XNDC1N: variants seen among roughly 807,000 people sequenced by gnomAD.
XNDC1N encodes protein XNDC1N.
At chr11:71,888,403 A>C in the XNDC1N span, among the ~76,000 whole-genome samples, 4 of 152,156 alleles carry the variant, frequency 2.6e-5, no homozygotes, top group Non-Finnish European at 5.9e-5. Flanking sequence ...TGCGGTCACC[A>C]AGGGGGCGGG....
the XNDC1N span, among the ~76,000 whole-genome samples, chr11:71,872,718 A>G: frequency 6.6e-6 from 1 of 152,022 alleles, no homozygotes; most frequent in Non-Finnish European, 1.5e-5. Context: ...ACAGAGCAAG[A>G]CTCCGTCTCA....
the XNDC1N span, among the ~76,000 whole-genome samples, chr11:71,927,032 G>A: frequency 6.6e-6 from 1 of 151,620 alleles, no homozygotes; most frequent in African/African-American, 2.4e-5. Flanking sequence ...CAGGAGGATT[G>A]CTTGAACCCA....
chr11:71,909,484 G>A, the XNDC1N span, among the ~76,000 whole-genome samples: 3 of 152,200 alleles, frequency 2.0e-5, no homozygotes, highest in Non-Finnish European at 4.4e-5. Context: ...AGAGCAGGAG[G>A]CCCTGGACAA....
chr11:71,886,796 A>C, the XNDC1N span, among the ~76,000 whole-genome samples: 1 of 152,224 alleles, frequency 6.6e-6, no homozygotes, highest in South Asian at 2.1e-4. Context: ...GCCGTAAGGA[A>C]AACGGCAAAG....
At chr11:71,867,752 G>C in the XNDC1N span, among the ~76,000 whole-genome samples, 1 of 152,198 alleles carries the variant, frequency 6.6e-6, no homozygotes, top group African/African-American at 2.4e-5. Context: ...CAGATGAGAA[G>C]AATGTGTATT....
the XNDC1N span, among the ~76,000 whole-genome samples, chr11:71,891,091 T>C: frequency 6.6e-6 from 1 of 151,924 alleles, no homozygotes; most frequent in Non-Finnish European, 1.5e-5. Flanking sequence ...CGTAACCTTA[T>C]CCTCTCCCTC....
the XNDC1N span, among the ~76,000 whole-genome samples, chr11:71,892,920 T>G: frequency 1.3e-5 from 2 of 152,074 alleles, no homozygotes; most frequent in Non-Finnish European, 2.9e-5. Context: ...AGGATGATGA[T>G]AAATATGAAA....
the XNDC1N span, among the ~76,000 whole-genome samples, chr11:71,913,707 C>G: frequency 5.3e-5 from 8 of 150,918 alleles, no homozygotes; most frequent in Middle Eastern, 3.4e-3. Context: ...AAAGAAGATG[C>G]CATCTAGGAG....
chr11:71,871,517 C>A, the XNDC1N span, among the ~76,000 whole-genome samples: 1 of 152,126 alleles, frequency 6.6e-6, no homozygotes, highest in African/African-American at 2.4e-5. Context: ...CAAAAGAATA[C>A]ATTTCAACCA....
chr11:71,898,949 A>T, the XNDC1N span, among the ~76,000 whole-genome samples: 1 of 152,206 alleles, frequency 6.6e-6, no homozygotes, highest in African/African-American at 2.4e-5. Flanking sequence ...ATAATAAAAG[A>T]TGAAAATTAA....
chr11:71,895,865 G>A, the XNDC1N span, among the ~76,000 whole-genome samples: 1 of 152,200 alleles, frequency 6.6e-6, no homozygotes, highest in Non-Finnish European at 1.5e-5. Context: ...ACCTAAAAAG[G>A]AAGAAACTCC....
chr11:71,877,869 C>G, the XNDC1N span, among the ~76,000 whole-genome samples: 1 of 152,164 alleles, frequency 6.6e-6, no homozygotes, highest in Non-Finnish European at 1.5e-5. Context: ...TTTAATTCCT[C>G]TCATATTACA....
chr11:71,916,713 C>G, the XNDC1N span: 18 of 168,120 alleles, frequency 1.1e-4, no homozygotes, highest in Non-Finnish European at 2.1e-4. Flanking sequence ...TCTTTAGTTC[C>G]TAACACTGTC....
chr11:71,908,459 A>C, the XNDC1N span, among the ~76,000 whole-genome samples: 1 of 152,020 alleles, frequency 6.6e-6, no homozygotes, highest in Non-Finnish European at 1.5e-5. Context: ...AATTGAGATT[A>C]TTAATTGCAG....
the XNDC1N span, among the ~76,000 whole-genome samples, chr11:71,890,023 C>A: frequency 2.0e-5 from 3 of 152,160 alleles, no homozygotes; most frequent in African/African-American, 7.2e-5. Flanking sequence ...GGGGATCACA[C>A]GGAAACTGCA....
the XNDC1N span, among the ~76,000 whole-genome samples, chr11:71,870,847 T>C: frequency 2.0e-5 from 3 of 152,182 alleles, no homozygotes; most frequent in African/African-American, 7.2e-5. Context: ...ACCTCACACC[T>C]GCTAGAATGG....
chr11:71,888,064 C>T, the XNDC1N span, among the ~76,000 whole-genome samples: 1 of 152,116 alleles, frequency 6.6e-6, no homozygotes, highest in Non-Finnish European at 1.5e-5. Context: ...GAGACCTAGG[C>T]TGCGTGTTGC....
the XNDC1N span, among the ~76,000 whole-genome samples, chr11:71,880,030 A>C: frequency 1.2e-4 from 19 of 152,278 alleles, no homozygotes; most frequent in African/African-American, 3.6e-4. Context: ...CTATCTCAAT[A>C]AAAATATAAA....
chr11:71,912,283 TGTACTA>T, the XNDC1N span, among the ~76,000 whole-genome samples: 3 of 152,076 alleles, frequency 2.0e-5, no homozygotes, highest in Admixed American at 2.0e-4. Context: ...GTAAAAAGTA[TGTACTA>T]GTTCTTGGGC....
Sources: gnomAD v4.1 joint callset for allele counts (sites outside exome capture counted in the v4.1 genomes callset) on GRCh38, gnomAD v4.1.1 for gene constraint, MANE v1.5 for transcripts, NCBI Gene and HGNC (gene_info 2026-07-23, HGNC 2026-07-21) for gene names.